PRKAR2B: variants seen among roughly 807,000 people sequenced by gnomAD.
PRKAR2B encodes protein kinase cAMP-dependent type II regulatory subunit beta.
A neutral mutation model predicts 49.9 loss-of-function variants in PRKAR2B; 14 were observed. The observed-to-expected ratio is 0.28, with a 90% CI of 0.19 to 0.44. The LOEUF (loss-of-function observed/expected upper bound fraction) is 0.44, where lower values mean the gene tolerates loss of function less well. PRKAR2B is among the 20% of genes least tolerant of loss of function. The pLI is 1.00. For synonymous variants in PRKAR2B, 196 were observed against 197.7 expected (o/e 0.99, Z 0.07); for missense variants, 393 against 537.9 (o/e 0.73, Z 2.67).
chr7:107,052,778 A>G (rs1217666886), intron 1 of PRKAR2B, among the ~76,000 whole-genome samples: 1 of 152,186 alleles, frequency 6.6e-6, no homozygotes, highest in African/African-American at 2.4e-5. Flanking sequence ...TTCTCTGTCT[A>G]TTCAACCCAA....
intron 7 of PRKAR2B, 61 bp downstream of exon 7, chr7:107,151,084 T>C (rs1795977654): frequency 1.1e-6 from 1 of 939,584 alleles, no homozygotes; most frequent in Non-Finnish European, 1.5e-6. Flanking sequence ...TTGCTAGGAA[T>C]ATTTAGTTCT....
intron 2 of PRKAR2B, among the ~76,000 whole-genome samples, chr7:107,100,106 T>A (rs1417669883): frequency 6.6e-6 from 1 of 152,112 alleles, no homozygotes; most frequent in African/African-American, 2.4e-5. Context: ...CTTTATTTCT[T>A]CCTGTAGATT....
At chr7:107,087,316 G>T (rs571112377) in intron 2 of PRKAR2B, among the ~76,000 whole-genome samples, 3 of 151,732 alleles carry the variant, frequency 2.0e-5, no homozygotes, top group Non-Finnish European at 4.4e-5. Context: ...CATTAGAAAC[G>T]TGGTGCTGCA....
intron 2 of PRKAR2B, among the ~76,000 whole-genome samples, chr7:107,121,419 G>T (rs866380101): frequency 6.6e-6 from 1 of 152,096 alleles, no homozygotes; most frequent in Non-Finnish European, 1.5e-5. Context: ...AATTCTTACA[G>T]TGTTAAATGA....
intron 4 of PRKAR2B, among the ~76,000 whole-genome samples, chr7:107,140,403 G>A (rs1795771180): frequency 6.6e-6 from 1 of 152,128 alleles, no homozygotes; most frequent in Non-Finnish European, 1.5e-5. Flanking sequence ...TTGGAATCAG[G>A]ATCTAAATTC....
rs1374300779 is a variant in PRKAR2B, at chr7:107,044,883, AG to A, written c.-23del. 2 of 1,566,862 alleles carry A rather than the reference AG, an allele frequency of 1.3e-6. No homozygotes were observed. Among genetic ancestry groups the A allele is most frequent in the African/African-American group, 2.7e-5 (2 of 72,936 alleles). On this transcript the variant is annotated 5_prime_UTR_variant, in exon 1 of 11. Transcript: ENST00000265717. ...CGGGGAGGGGGCGAGGGCGGCGCCC[AG>A]GCGCCTGCCGCCCCGGAGGCAGGAT...
chr7:107,106,799 C>T lies in PRKAR2B; in HGVS notation c.344-15153C>T, dbSNP rs747819751. Among the ~76,000 whole-genome samples the T allele has an allele frequency of 1.9e-4, 29 of 151,954 alleles. No homozygotes were observed. In the South Asian group the frequency reaches 2.1e-3, roughly 11 times the overall value. On this transcript the variant is annotated intron_variant, in intron 2 of 10. Transcript: ENST00000265717. ...AGGACCCCCCTCAGAATCAAGGGACCGAGGGGGCTCCCAGGGGAGAGAGTG... is the reference window on the plus strand; with the variant it reads ...AGGACCCCCCTCAGAATCAAGGGACTGAGGGGGCTCCCAGGGGAGAGAGTG...
chr7:107,065,082 T>A (rs557645358), intron 1 of PRKAR2B, among the ~76,000 whole-genome samples: 24 of 152,340 alleles, frequency 1.6e-4, no homozygotes, highest in African/African-American at 5.8e-4. Context: ...TGGTTTCAAT[T>A]TACACAGTTT....
intron 4 of PRKAR2B, among the ~76,000 whole-genome samples, chr7:107,138,414 A>G (rs1027126140): frequency 1.3e-5 from 2 of 152,084 alleles, no homozygotes; most frequent in Non-Finnish European, 2.9e-5. Context: ...AAAAAATTCT[A>G]TTTTATTTTT....
chr7:107,143,530 C>T (rs1460731723), intron 5 of PRKAR2B, among the ~76,000 whole-genome samples: 8 of 152,174 alleles, frequency 5.3e-5, no homozygotes, highest in Non-Finnish European at 1.0e-4. Context: ...TGCTTAGTTG[C>T]CCCAAACACA....
chr7:107,122,112 A>G (rs1457920254), intron 3 of PRKAR2B, 108 bp downstream of exon 3: 2 of 627,662 alleles, frequency 3.2e-6, no homozygotes, highest in African/African-American at 1.9e-5. Flanking sequence ...AGGAGACATA[A>G]TGGAATTATT....
chr7:107,111,165 G>C (rs1156498092), intron 2 of PRKAR2B, among the ~76,000 whole-genome samples: 2 of 152,062 alleles, frequency 1.3e-5, no homozygotes, highest in Admixed American at 6.6e-5. Context: ...GTGGCCACAG[G>C]GTGAGGTTCC....
intron 10 of PRKAR2B, 76 bp from the exon 11 acceptor site, chr7:107,159,373 C>T (rs577056318): frequency 7.6e-5 from 106 of 1,386,914 alleles, no homozygotes; most frequent in South Asian, 9.8e-5. Flanking sequence ...TATATGGAGT[C>T]GGTATTGTAA....
At chr7:107,060,037 TTTTG>T (rs1793995507) in intron 1 of PRKAR2B, among the ~76,000 whole-genome samples, 2 of 129,908 alleles carry the variant, frequency 1.5e-5, no homozygotes, top group Non-Finnish European at 3.2e-5. Context: ...TTTTACTAAG[TTTTG>T]TTTGTTTTGG....
intron 2 of PRKAR2B, among the ~76,000 whole-genome samples, chr7:107,106,442 A>C (rs1359970655): frequency 6.6e-6 from 1 of 152,202 alleles, no homozygotes; most frequent in African/African-American, 2.4e-5. Context: ...TTTGCAACTC[A>C]TGTCAAGTTA....
At chr7:107,054,614 C>A (rs1291082831) in intron 1 of PRKAR2B, among the ~76,000 whole-genome samples, 2 of 152,134 alleles carry the variant, frequency 1.3e-5, no homozygotes, top group Non-Finnish European at 2.9e-5. Flanking sequence ...GTCAACTTTG[C>A]AGATGTCAAG....
At chr7:107,099,083 G>A (rs1794904976) in intron 2 of PRKAR2B, among the ~76,000 whole-genome samples, 1 of 152,182 alleles carries the variant, frequency 6.6e-6, no homozygotes, top group Non-Finnish European at 1.5e-5. Flanking sequence ...AGTTTTTGGT[G>A]CCTTTTGTTC....
intron 1 of PRKAR2B, among the ~76,000 whole-genome samples, chr7:107,062,361 T>C (rs1309837967): frequency 6.6e-6 from 1 of 152,168 alleles, no homozygotes; most frequent in Non-Finnish European, 1.5e-5. Context: ...TTATTCAAAA[T>C]AGCTCAAACT....
intron 6 of PRKAR2B, among the ~76,000 whole-genome samples, chr7:107,149,362 A>G (rs1795944327): frequency 6.6e-6 from 1 of 152,194 alleles, no homozygotes. Context: ...AGACTGTTAT[A>G]GAATGGGTGG....
Sources: gnomAD v4.1 joint callset for allele counts (sites outside exome capture counted in the v4.1 genomes callset) on GRCh38, gnomAD v4.1.1 for gene constraint, MANE v1.5 for transcripts, NCBI Gene and HGNC (gene_info 2026-07-23, HGNC 2026-07-21) for gene names.